Variants in CPNE8 observed in about 807,000 individuals in gnomAD.
CPNE8 encodes the protein copine 8, also known as copine-8.
In CPNE8, 45 loss-of-function variants were observed where a neutral mutation model predicts 81.5. That is an observed-to-expected ratio of 0.55 (90% CI 0.44 to 0.71). CPNE8 has a LOEUF of 0.71. Ranked by LOEUF, CPNE8 falls within the 30% of genes least tolerant of loss-of-function variation. CPNE8 has a pLI of 0.00. For missense variants in CPNE8, 594 were observed against 672.1 expected, an observed-to-expected ratio of 0.88 and a Z score of 1.28; for synonymous variants, 252 against 226.3, an observed-to-expected ratio of 1.11 and a Z score of -1.02.
chr12:38,721,993 C>T (rs1444151615), intron 13 of CPNE8, among the ~76,000 whole-genome samples: 4 of 152,074 alleles, frequency 2.6e-5, no homozygotes, highest in Non-Finnish European at 4.4e-5. Flanking sequence ...CCTTGGCAGG[C>T]GTGGGATGCA....
At chr12:38,771,298 CAAA>C (rs56772312) in intron 7 of CPNE8, among the ~76,000 whole-genome samples, 6,320 of 131,374 alleles carry the variant, frequency 0.048, 468 homozygotes, top group African/African-American at 0.16. Flanking sequence ...ACATCTCTAT[CAAA>C]AAAAAAAAAA....
At chr12:38,874,568 T>A in intron 1 of CPNE8, 57 bp from the exon 2 acceptor site, 1 of 1,079,880 alleles carries the variant, frequency 9.3e-7, no homozygotes, top group Non-Finnish European at 1.4e-6. Context: ...TTTATATTTA[T>A]ATAGACATAT....
intron 4 of CPNE8, among the ~76,000 whole-genome samples, chr12:38,842,827 C>G (rs979501924): frequency 6.6e-6 from 1 of 152,088 alleles, no homozygotes; most frequent in East Asian, 1.9e-4. Flanking sequence ...ATCCGCCCCC[C>G]TCAGCCTCCA....
intron 15 of CPNE8, 35 bp downstream of exon 15, chr12:38,693,622 T>C (rs778610634): frequency 5.1e-6 from 8 of 1,567,994 alleles, no homozygotes; most frequent in Non-Finnish European, 6.1e-6. Flanking sequence ...AACATTAATT[T>C]TTCAAAACAT....
chr12:38,742,526 T>G, intron 10 of CPNE8, among the ~76,000 whole-genome samples: 2 of 116,266 alleles, frequency 1.7e-5, no homozygotes, highest in Non-Finnish European at 1.9e-5. Context: ...CTGGGTCCTG[T>G]TGTGGGGTGG....
At chr12:38,712,511 GC>G (rs1211484848) in intron 13 of CPNE8, among the ~76,000 whole-genome samples, 1 of 152,082 alleles carries the variant, frequency 6.6e-6, no homozygotes, top group Non-Finnish European at 1.5e-5. Flanking sequence ...CCATGCCCAG[GC>G]TGCCACCAAT....
At chr12:38,894,849 A>C (rs1235188054) in intron 1 of CPNE8, among the ~76,000 whole-genome samples, 1 of 152,134 alleles carries the variant, frequency 6.6e-6, no homozygotes, top group Non-Finnish European at 1.5e-5. Flanking sequence ...ATAGGAGTAC[A>C]TTTAGATAAA....
At chr12:38,902,957 T>A (rs981696328) in intron 1 of CPNE8, among the ~76,000 whole-genome samples, 1 of 152,146 alleles carries the variant, frequency 6.6e-6, no homozygotes, top group Admixed American at 6.5e-5. Flanking sequence ...TTAGACAGAC[T>A]GAATAAGAAC....
intron 19 of CPNE8, among the ~76,000 whole-genome samples, chr12:38,655,556 C>T (rs1029144040): frequency 7.9e-5 from 12 of 152,028 alleles, no homozygotes; most frequent in African/African-American, 2.9e-4. Context: ...AAGAACAATC[C>T]TGTCTCATGC....
intron 13 of CPNE8, among the ~76,000 whole-genome samples, chr12:38,714,633 A>G (rs1940343005): frequency 6.8e-6 from 1 of 147,778 alleles, no homozygotes; most frequent in Non-Finnish European, 1.5e-5. Context: ...CTGCTTATCA[A>G]AAAAAAAAAG....
At position 38,818,408 on chromosome 12, in the gene CPNE8, A is replaced by G. The variant is rs146106727; in HGVS notation, c.407+10971T>C. ...GTGTTCGGTTTTCTGTTCCTGTGTT[A>G]CTTTGCTGAGAATGGTTTCCAGCTT... On this transcript the variant is annotated intron_variant, in intron 6 of 19. Coordinates refer to ENST00000331366, the MANE Select transcript of CPNE8 (RefSeq NM_153634.3). 1.1e-3 allele frequency among the ~76,000 whole-genome samples: 160 copies of G among 152,184 alleles called. 1 individual carries two copies. The highest frequency in any genetic ancestry group is 3.6e-3 in the African/African-American group (148 of 41,512).
At chr12:38,681,160 T>G (rs1035867892) in intron 16 of CPNE8, among the ~76,000 whole-genome samples, 3 of 152,046 alleles carry the variant, frequency 2.0e-5, no homozygotes, top group Non-Finnish European at 2.9e-5. Flanking sequence ...ACCAACAAAT[T>G]AAATTTATTT....
At chr12:38,872,891 A>G in intron 3 of CPNE8, 113 bp downstream of exon 3, 1 of 673,372 alleles carries the variant, frequency 1.5e-6, no homozygotes, top group Non-Finnish European at 2.6e-6. Context: ...AAACAATTCA[A>G]TCTTTGGGTT....
intron 1 of CPNE8, 90 bp downstream of exon 1, chr12:38,905,347 G>C: frequency 7.0e-7 from 1 of 1,437,060 alleles, no homozygotes; most frequent in South Asian, 1.3e-5. Flanking sequence ...TCTTGCCTGC[G>C]CAAAGCCTCG....
chr12:38,816,417 T>C (rs1170199224), intron 6 of CPNE8, among the ~76,000 whole-genome samples: 1 of 152,136 alleles, frequency 6.6e-6, no homozygotes, highest in East Asian at 1.9e-4. Flanking sequence ...CTTGATTGAG[T>C]TTTAGAAGTT....
intron 6 of CPNE8, among the ~76,000 whole-genome samples, chr12:38,801,823 C>A (rs1333673528): frequency 9.7e-6 from 1 of 103,380 alleles, no homozygotes; most frequent in Non-Finnish European, 2.0e-5. Context: ...ATCTACCAAG[C>A]CAATGGAAAA....
At chr12:38,724,816 C>A (rs774021011) in intron 12 of CPNE8, 30 bp downstream of exon 12, 2 of 1,335,114 alleles carry the variant, frequency 1.5e-6, no homozygotes, top group East Asian at 4.8e-5. Context: ...TTATTTTAAT[C>A]TTTAATAAAT....
intron 10 of CPNE8, 133 bp from the exon 11 acceptor site, chr12:38,730,491 C>T (rs1024448475): frequency 4.2e-6 from 2 of 473,082 alleles, no homozygotes; most frequent in South Asian, 3.8e-5. Context: ...TAATAATTTA[C>T]AAAATATTTA....
intron 3 of CPNE8, among the ~76,000 whole-genome samples, chr12:38,850,976 A>G (rs1943636140): frequency 6.6e-6 from 1 of 152,214 alleles, no homozygotes; most frequent in Admixed American, 6.5e-5. Flanking sequence ...CTTTCTCATG[A>G]ATGGCAGGAA....
Sources: allele counts gnomAD v4.1 joint callset (sites outside exome capture counted in the v4.1 genomes callset), GRCh38; gene constraint gnomAD v4.1.1; transcripts MANE v1.5; gene names NCBI Gene and HGNC (gene_info 2026-07-23, HGNC 2026-07-21).